Variants in BRCA1 observed in about 807,000 individuals in gnomAD.
The protein encoded by BRCA1 is BRCA1 DNA repair associated, also known as breast cancer type 1 susceptibility protein.
Under a neutral mutation model 173.7 loss-of-function variants are expected in BRCA1, and 140 were observed. The observed-to-expected ratio is 0.81, with a 90% CI of 0.70 to 0.93. The LOEUF is 0.93. Among genes scored for constraint, BRCA1 ranks in the 40% least tolerant of loss-of-function variants. The pLI is 0.00. For missense variants in BRCA1, 1,983 were observed against 2,172.5 expected, an observed-to-expected ratio of 0.91 and a Z score of 1.73; for synonymous variants, 662 against 756.0, an observed-to-expected ratio of 0.88 and a Z score of 2.04.
intron 6 of BRCA1, among the ~76,000 whole-genome samples, chr17:43,100,801 G>C (rs1389686813): frequency 7.5e-6 from 1 of 133,924 alleles, no homozygotes; most frequent in Non-Finnish European, 1.6e-5. Flanking sequence ...GCGTGATCTC[G>C]GCACACTGCA....
chr17:43,097,954 A>G (rs1393204434), intron 7 of BRCA1, among the ~76,000 whole-genome samples: 1 of 152,052 alleles, frequency 6.6e-6, no homozygotes, highest in Admixed American at 6.6e-5. Context: ...AAAGATGGCT[A>G]TCCTTTTTAA....
At chr17:43,085,130 T>C (rs1016288353) in intron 11 of BRCA1, among the ~76,000 whole-genome samples, 1 of 152,218 alleles carries the variant, frequency 6.6e-6, no homozygotes, top group Admixed American at 6.5e-5. Context: ...ACTTCTACTA[T>C]GCTGCTCTGA....
At chr17:43,133,395 C>G (rs191845681) in intron 1 of BRCA1, among the ~76,000 whole-genome samples, 40 of 152,228 alleles carry the variant, frequency 2.6e-4, no homozygotes, top group Admixed American at 8.5e-4. Context: ...TAGAGTGACT[C>G]TTTAGGGGCT....
intron 1 of BRCA1, among the ~76,000 whole-genome samples, chr17:43,156,924 T>C (rs1302365271): frequency 6.6e-6 from 1 of 152,076 alleles, no homozygotes; most frequent in Non-Finnish European, 1.5e-5. Flanking sequence ...CTGATGAGAG[T>C]AAATGTTTAC....
intron 12 of BRCA1, chr17:43,079,396 G>A (rs2052896292): frequency 3.8e-6 from 6 of 1,595,346 alleles, no homozygotes; most frequent in East Asian, 2.2e-5. Context: ...ATGTATATGC[G>A]AATCTGTAAG....
chr17:43,135,790 C>T (rs1344302914), intron 1 of BRCA1, among the ~76,000 whole-genome samples: 1 of 152,236 alleles, frequency 6.6e-6, no homozygotes, highest in Non-Finnish European at 1.5e-5. Flanking sequence ...ATCTCCCTCC[C>T]TCCAGGACAT....
At chr17:43,127,531 G>A (rs1261483428), upstream of BRCA1, among the ~76,000 whole-genome samples, 2 of 152,042 alleles carry the variant, frequency 1.3e-5, no homozygotes, top group African/African-American at 4.8e-5. Flanking sequence ...TCAGTGCTCT[G>A]TGTCTAGCAA....
chr17:43,146,949 C>T lies in BRCA1; in HGVS notation c.-19-22834G>A, dbSNP rs184361087. Among the ~76,000 whole-genome samples the T allele has an allele frequency of 2.6e-3, 397 of 152,180 alleles. 9 individuals are homozygous for T. Among genetic ancestry groups the T allele is most frequent in the East Asian group, 5.8e-4 (3 of 5,168 alleles). ...ACCATGAGGGCCCCGTCGTTTACCCCGCATCACTGTTGAAGATCTCATCCT... is the reference window on the plus strand; with the variant it reads ...ACCATGAGGGCCCCGTCGTTTACCCTGCATCACTGTTGAAGATCTCATCCT... On this transcript the variant is annotated intron_variant, in intron 1 of 7. Coordinates refer to the BRCA1 transcript ENST00000634433.
At chr17:43,104,787 G>T (rs1475880802) in intron 5 of BRCA1, 81 bp downstream of exon 5, 2 of 1,254,770 alleles carry the variant, frequency 1.6e-6, no homozygotes, top group Non-Finnish European at 1.2e-6. Context: ...TTATCACCAC[G>T]TCATAGAAAG....
At chr17:43,102,018 T>G (rs933598523) in intron 6 of BRCA1, among the ~76,000 whole-genome samples, 1 of 152,008 alleles carries the variant, frequency 6.6e-6, no homozygotes, top group Non-Finnish European at 1.5e-5. Flanking sequence ...TGCTCCAGCC[T>G]CAGCCTCCCA....
intron 1 of BRCA1, among the ~76,000 whole-genome samples, chr17:43,131,743 CT>C (rs1426321807): frequency 1.3e-5 from 2 of 151,718 alleles, no homozygotes; most frequent in African/African-American, 4.8e-5. Flanking sequence ...AGGATATCAG[CT>C]TTTTATTTTC....
chr17:43,066,916 C>T (rs1349480390), intron 16 of BRCA1, among the ~76,000 whole-genome samples: 2 of 147,774 alleles, frequency 1.4e-5, no homozygotes, highest in African/African-American at 5.0e-5. Flanking sequence ...CTCCTGGGTT[C>T]AAGCGATTCT....
chr17:43,161,948 T>C (rs1412982048), intron 1 of BRCA1: 1 of 152,228 alleles, frequency 6.6e-6, no homozygotes, highest in African/African-American at 2.4e-5. Context: ...ATTTAGTTCA[T>C]CATAGAAAGT....
chr17:43,067,294 C>T lies in BRCA1; in HGVS notation c.5074+314G>A, dbSNP rs184234488. ...TTTTTGAGACGGAGCCTTGCTCTGT[C>T]GCCAGGCTGGAATGCAGTGGCATGA... is the stretch of plus-strand genomic sequence containing the variant. On this transcript the variant is annotated intron_variant, in intron 16 of 22. Transcript: ENST00000357654. The T allele has an allele frequency of 4.6e-3, 748 of 161,374 alleles. 8 individuals carry two copies. Among genetic ancestry groups the T allele is most frequent in the African/African-American group, 0.012 (455 of 36,858 alleles). 10.0% of individuals were successfully genotyped at this position (161,374 alleles called of 1,614,324 possible).
chr17:43,054,957 C>T (rs1299886965), intron 19 of BRCA1, among the ~76,000 whole-genome samples: 4 of 152,092 alleles, frequency 2.6e-5, no homozygotes, highest in Non-Finnish European at 4.4e-5. Context: ...ACCATGTTGG[C>T]CAGGCTGGTC....
chr17:43,049,296 T>C, intron 20 of BRCA1, 102 bp from the exon 21 acceptor site: 1 of 995,382 alleles, frequency 1.0e-6, no homozygotes, highest in East Asian at 2.4e-5. Flanking sequence ...GCAAGACCTC[T>C]CAATGGGAGA....
At chr17:43,066,322 G>A (rs534358756) in intron 16 of BRCA1, among the ~76,000 whole-genome samples, 1 of 152,252 alleles carries the variant, frequency 6.6e-6, no homozygotes, top group South Asian at 2.1e-4. Flanking sequence ...TCTCGGAGCT[G>A]TTATCAGACT....
upstream of BRCA1, among the ~76,000 whole-genome samples, chr17:43,128,104 T>C (rs1253050190): frequency 6.6e-6 from 1 of 151,090 alleles, no homozygotes; most frequent in Non-Finnish European, 1.5e-5. Flanking sequence ...TTCCACGCTG[T>C]GGAAGCTTTG....
At chr17:43,110,614 G>C (rs753270719) in intron 3 of BRCA1, 4 of 385,258 alleles carry the variant, frequency 1.0e-5, no homozygotes, top group South Asian at 7.7e-5. Context: ...AGTAGCTGTT[G>C]AAAAATTTAA....
Sources: gnomAD v4.1 joint callset for allele counts (sites outside exome capture counted in the v4.1 genomes callset) on GRCh38, gnomAD v4.1.1 for gene constraint, MANE v1.5 for transcripts, NCBI Gene and HGNC (gene_info 2026-07-23, HGNC 2026-07-21) for gene names.